PDE1A: variants seen among roughly 807,000 people sequenced by gnomAD.
PDE1A encodes dual specificity calcium/calmodulin-dependent 3',5'-cyclic nucleotide phosphodiesterase 1A.
PDE1A carries 35 observed loss-of-function variants against 61.7 expected under a neutral mutation model. That is an observed-to-expected ratio of 0.57 (90% CI 0.43 to 0.75). The LOEUF (loss-of-function observed/expected upper bound fraction) is 0.75. PDE1A is among the 30% of genes least tolerant of loss of function. The pLI is 0.00. For synonymous variants in PDE1A, 232 were observed against 213.2 expected, an observed-to-expected ratio of 1.09 and a Z score of -0.77; for missense variants, 597 against 630.6, an observed-to-expected ratio of 0.95 and a Z score of 0.57.
At chr2:182,687,575 G>C in the PDE1A span, among the ~76,000 whole-genome samples, 1 of 152,132 alleles carries the variant, frequency 6.6e-6, no homozygotes, top group Non-Finnish European at 1.5e-5. Flanking sequence ...AAACCACAAA[G>C]ATGGGGAAAA....
chr2:182,147,997 G>A (rs1274700601), intron 13 of PDE1A, among the ~76,000 whole-genome samples: 1 of 152,114 alleles, frequency 6.6e-6, no homozygotes, highest in Non-Finnish European at 1.5e-5. Context: ...GTAATTAGTG[G>A]ACATACAGAA....
chr2:182,243,419 T>C (rs913433173), intron 2 of PDE1A, among the ~76,000 whole-genome samples: 3 of 152,114 alleles, frequency 2.0e-5, no homozygotes, highest in Non-Finnish European at 4.4e-5. Flanking sequence ...CTATTCCAGA[T>C]AGAAAGAAGG....
At chr2:182,329,337 A>T (rs1401049624) in intron 1 of PDE1A, among the ~76,000 whole-genome samples, 1 of 152,108 alleles carries the variant, frequency 6.6e-6, no homozygotes, top group Non-Finnish European at 1.5e-5. Context: ...CCATATATTC[A>T]TAAAGTTGAA....
At chr2:182,214,606 G>T (rs1245810693) in intron 7 of PDE1A, among the ~76,000 whole-genome samples, 1 of 150,644 alleles carries the variant, frequency 6.6e-6, no homozygotes. Context: ...AAAGGCAGGG[G>T]TTGCAATCCT....
chr2:182,309,496 A>C (rs1574314659), intron 1 of PDE1A, among the ~76,000 whole-genome samples: 1 of 152,136 alleles, frequency 6.6e-6, no homozygotes, highest in East Asian at 1.9e-4. Flanking sequence ...CCAAAGTGTC[A>C]GAAGAAACTT....
chr2:182,326,851 C>CT (rs1214824978), intron 1 of PDE1A, among the ~76,000 whole-genome samples: 1 of 152,116 alleles, frequency 6.6e-6, no homozygotes, highest in East Asian at 1.9e-4. Context: ...CACACATTAC[C>CT]TTTTTCTGAA....
chr2:182,178,506 T>C (rs1684479195), intron 13 of PDE1A, among the ~76,000 whole-genome samples: 1 of 152,142 alleles, frequency 6.6e-6, no homozygotes. Context: ...ACCTGCTCTC[T>C]GAATTTGGCC....
the PDE1A span, among the ~76,000 whole-genome samples, chr2:182,604,801 T>C: frequency 7.2e-5 from 11 of 152,190 alleles, no homozygotes; most frequent in Admixed American, 6.5e-5. Context: ...CCAGGTTATA[T>C]TGGTTTTTTA....
chr2:182,527,320 AAAAAAAAATATATATATAT>A (rs1559543372), upstream of PDE1A, among the ~76,000 whole-genome samples: 2 of 44,740 alleles, frequency 4.5e-5, no homozygotes, highest in South Asian at 9.3e-4. Flanking sequence ...AAAAAAAAAA[AAAAAAAAATATATATATAT>A]ATATATATAT....
At chr2:182,676,363 G>T in the PDE1A span, among the ~76,000 whole-genome samples, 1 of 151,936 alleles carries the variant, frequency 6.6e-6, no homozygotes. Context: ...GACTGAACCA[G>T]GGAGAAACTG....
intron 2 of PDE1A, among the ~76,000 whole-genome samples, chr2:182,518,025 T>C (rs999959227): frequency 6.6e-6 from 1 of 152,244 alleles, no homozygotes; most frequent in South Asian, 2.1e-4. Flanking sequence ...ATAGGAGGCA[T>C]GTCACAGAAG....
the PDE1A span, among the ~76,000 whole-genome samples, chr2:182,568,648 C>G: frequency 6.6e-6 from 1 of 152,046 alleles, no homozygotes; most frequent in Non-Finnish European, 1.5e-5. Flanking sequence ...CTGGGTGACA[C>G]AGTGAGACGC....
chr2:182,409,524 A>G (rs1005197490), intron 1 of PDE1A, among the ~76,000 whole-genome samples: 1 of 152,196 alleles, frequency 6.6e-6, no homozygotes, highest in African/African-American at 2.4e-5. Flanking sequence ...GGCAGACACT[A>G]AGCAGATTGT....
chr2:182,614,550 TA>T, the PDE1A span, among the ~76,000 whole-genome samples: 1 of 145,178 alleles, frequency 6.9e-6, no homozygotes, highest in East Asian at 2.1e-4. Context: ...GTAACTAGCA[TA>T]TCTTTTTTTT....
the PDE1A span, among the ~76,000 whole-genome samples, chr2:182,682,369 TAATTAGGCAGGGGTAAGGAAGA>T: frequency 6.6e-6 from 1 of 152,246 alleles, no homozygotes; most frequent in Admixed American, 6.5e-5. Flanking sequence ...GGGGAAACAG[TAATTAGGCAGGGGTAAGGAAGA>T]AATGTTGCTC....
intron 1 of PDE1A, among the ~76,000 whole-genome samples, chr2:182,391,455 G>A (rs1156814397): frequency 6.6e-6 from 1 of 152,204 alleles, no homozygotes; most frequent in South Asian, 2.1e-4. Context: ...GGCTTAGGGA[G>A]ATTGAAAGGC....
intron 1 of PDE1A, among the ~76,000 whole-genome samples, chr2:182,279,357 G>T (rs1693651889): frequency 6.6e-6 from 1 of 151,876 alleles, no homozygotes; most frequent in African/African-American, 2.4e-5. Flanking sequence ...GTCTTCTTTA[G>T]GACTTGTTCC....
intron 1 of PDE1A, among the ~76,000 whole-genome samples, chr2:182,267,429 G>GCACACA (rs67567300): frequency 8.8e-4 from 130 of 146,956 alleles, no homozygotes; most frequent in Middle Eastern, 3.5e-3. Context: ...ATGCACACAT[G>GCACACA]CACACACACA....
Position 182,348,073 on chromosome 2 carries a change from A to G in PDE1A, c.53+78505T>C, listed in dbSNP as rs553313661. Among the ~76,000 whole-genome samples, 171 of 152,286 alleles carry G rather than the reference A, an allele frequency of 1.1e-3. No individual in the cohort carries two copies. The Middle Eastern group carries it at 0.024, about 21-fold the overall frequency. ...TATTGCACTTAAACTCACCCATACT[A>G]TGCTGATGTAAAACCAGCCAGCATT... On this transcript the variant is annotated intron_variant, in intron 1 of 13. Coordinates refer to ENST00000351439, the Ensembl canonical transcript of PDE1A.
Sources: allele counts gnomAD v4.1 joint callset (sites outside exome capture counted in the v4.1 genomes callset), GRCh38; gene constraint gnomAD v4.1.1; transcripts MANE v1.5; gene names NCBI Gene and HGNC (gene_info 2026-07-23, HGNC 2026-07-21).